The following UBE2R2 variants were observed in gnomAD, a reference collection of about 807,000 sequenced individuals.
UBE2R2 encodes the protein ubiquitin-conjugating enzyme E2 R2.
Under a neutral mutation model 27.8 loss-of-function variants are expected in UBE2R2, and 1 was observed. The ratio of observed to expected loss-of-function variants is 0.04; its 90% CI spans 0.01 to 0.17. UBE2R2 has a LOEUF of 0.17. Among genes scored for constraint, UBE2R2 ranks in the 10% least tolerant of loss-of-function variants. The pLI is 1.00. For synonymous variants in UBE2R2, 106 were observed against 113.3 expected (o/e 0.94, Z 0.41); for missense variants, 100 against 291.0 (o/e 0.34, Z 4.78).
intron 2 of UBE2R2, among the ~76,000 whole-genome samples, chr9:33,899,624 T>C (rs996565007): frequency 6.6e-6 from 1 of 152,098 alleles, no homozygotes; most frequent in Non-Finnish European, 1.5e-5. Context: ...CTGCCCACCT[T>C]GGTCTCCCAA....
intron 1 of UBE2R2, among the ~76,000 whole-genome samples, chr9:33,881,251 C>T (rs1821727174): frequency 6.6e-6 from 1 of 152,138 alleles, no homozygotes; most frequent in African/African-American, 2.4e-5. Flanking sequence ...GCTTTATTAA[C>T]TAATCTCCAG....
At chr9:33,831,681 A>G (rs1023740346) in intron 1 of UBE2R2, among the ~76,000 whole-genome samples, 1 of 151,820 alleles carries the variant, frequency 6.6e-6, no homozygotes, top group Non-Finnish European at 1.5e-5. Context: ...TGTTTTTGAG[A>G]CGGAGTCTCA....
intron 1 of UBE2R2, among the ~76,000 whole-genome samples, chr9:33,839,004 C>T (rs1030308928): frequency 6.6e-6 from 1 of 150,638 alleles, no homozygotes; most frequent in Non-Finnish European, 1.5e-5. Flanking sequence ...ATTGCTTGAA[C>T]CTGGGAGATG....
chr9:33,895,584 G>A (rs143291589), intron 2 of UBE2R2, among the ~76,000 whole-genome samples: 1 of 152,154 alleles, frequency 6.6e-6, no homozygotes, highest in Admixed American at 6.6e-5. Flanking sequence ...CTGTAAAATG[G>A]GAAGGTAGGA....
intron 1 of UBE2R2, among the ~76,000 whole-genome samples, chr9:33,824,784 C>G (rs1232349637): frequency 7.4e-6 from 1 of 135,014 alleles, no homozygotes; most frequent in Non-Finnish European, 1.5e-5. Flanking sequence ...GCCTGGGCAA[C>G]AGAGTGAAGC....
intron 3 of UBE2R2, among the ~76,000 whole-genome samples, chr9:33,907,973 T>C (rs7871329): frequency 0.98 from 148,838 of 152,094 alleles, 72,916 homozygotes; most frequent in East Asian, 1. Flanking sequence ...GGATTATAGG[T>C]ATGTGCCACT....
intron 1 of UBE2R2, among the ~76,000 whole-genome samples, chr9:33,861,240 G>A (rs1382007868): frequency 2.7e-5 from 4 of 150,508 alleles, no homozygotes; most frequent in African/African-American, 4.8e-5. Flanking sequence ...GATTACAGGC[G>A]TGAGCCACTG....
intron 1 of UBE2R2, among the ~76,000 whole-genome samples, chr9:33,866,788 AAT>A (rs1433339975): frequency 6.6e-6 from 1 of 152,228 alleles, no homozygotes; most frequent in Non-Finnish European, 1.5e-5. Flanking sequence ...TGAATTTCAT[AAT>A]AGAGTCATAC....
intron 1 of UBE2R2, among the ~76,000 whole-genome samples, chr9:33,859,801 A>T (rs2486676): frequency 0.19 from 8,979 of 47,848 alleles, 282 homozygotes; most frequent in East Asian, 0.44. Context: ...TGTGTGTGTG[A>T]GAGAGAGAGA....
At chr9:33,904,658 G>A (rs1822314223) in intron 3 of UBE2R2, among the ~76,000 whole-genome samples, 1 of 152,194 alleles carries the variant, frequency 6.6e-6, no homozygotes, top group Non-Finnish European at 1.5e-5. Flanking sequence ...TAGCCAACCT[G>A]AAAAGGAAGA....
chr9:33,844,283 C>T (rs558583081), intron 1 of UBE2R2, among the ~76,000 whole-genome samples: 6 of 152,182 alleles, frequency 3.9e-5, no homozygotes, highest in African/African-American at 1.4e-4. Context: ...CCGCTGACTG[C>T]AACCTTCGCC....
In UBE2R2 at chr9:33,891,233, C is replaced by T. The variant is rs549979895; in HGVS notation, c.264+4266C>T. 7.1e-4 allele frequency among the ~76,000 whole-genome samples: 107 copies of T among 151,600 alleles called. 2 individuals are homozygous for T. The South Asian group carries it at 0.022, about 31-fold the overall frequency. ...ATTTTTGTATTTTTAGTAGAGACGC[C>T]GTTTTACATCTTGGCCAGGCTGGTC... On this transcript the variant is annotated intron_variant, in intron 2 of 4. Transcript: ENST00000263228.
intron 1 of UBE2R2, among the ~76,000 whole-genome samples, chr9:33,877,394 G>A (rs1821629474): frequency 6.6e-6 from 1 of 151,918 alleles, no homozygotes; most frequent in Admixed American, 6.6e-5. Flanking sequence ...TTGTTAGCCA[G>A]GATGGTCTCA....
At chr9:33,890,963 G>A (rs987239109) in intron 2 of UBE2R2, among the ~76,000 whole-genome samples, 1 of 152,050 alleles carries the variant, frequency 6.6e-6, no homozygotes, top group Non-Finnish European at 1.5e-5. Context: ...TTGAGGACCA[G>A]TGTTGGTATT....
At position 33,911,944 on chromosome 9, in the gene UBE2R2, T is replaced by A. The variant is rs376505240; in HGVS notation, c.363-20T>A. 2 of 1,605,290 alleles carry A rather than the reference T, an allele frequency of 1.2e-6. No individual in the cohort carries two copies. Among genetic ancestry groups the A allele is most frequent in the South Asian group, 1.1e-5 (1 of 88,086 alleles). On this transcript the variant is annotated intron_variant, in intron 3 of 4. Transcript: ENST00000263228. ...TGTAAATATGGGTATTCATAGCTGA[T>A]CCTTTTTTCCTGTTTCTAGGACTAT...
intron 3 of UBE2R2, among the ~76,000 whole-genome samples, chr9:33,901,324 A>G (rs1822241225): frequency 6.6e-6 from 1 of 152,206 alleles, no homozygotes; most frequent in South Asian, 2.1e-4. Context: ...ATTTACTATC[A>G]GTGTGGCTTA....
chr9:33,893,424 T>C (rs185981042), intron 2 of UBE2R2, among the ~76,000 whole-genome samples: 2 of 152,316 alleles, frequency 1.3e-5, no homozygotes, highest in Non-Finnish European at 2.9e-5. Context: ...TGAAGAATAT[T>C]GCATTATATA....
chr9:33,838,053 A>G (rs1293670532), intron 1 of UBE2R2, among the ~76,000 whole-genome samples: 3 of 152,118 alleles, frequency 2.0e-5, no homozygotes, highest in African/African-American at 7.2e-5. Context: ...GGGAGTTCCA[A>G]GGACCCCCAC....
chr9:33,899,770 T>A (rs112268434), intron 2 of UBE2R2, among the ~76,000 whole-genome samples: 1,848 of 152,306 alleles, frequency 0.012, 37 homozygotes, highest in African/African-American at 0.041. Flanking sequence ...AGTGCTAGGA[T>A]TACAGGCGTG....
Sources: gnomAD v4.1 joint callset for allele counts (sites outside exome capture counted in the v4.1 genomes callset) on GRCh38, gnomAD v4.1.1 for gene constraint, MANE v1.5 for transcripts, NCBI Gene and HGNC (gene_info 2026-07-23, HGNC 2026-07-21) for gene names.